The following CPVL variants were observed in gnomAD, a reference collection of about 807,000 sequenced individuals.
CPVL encodes carboxypeptidase vitellogenic like.
In CPVL, 51 loss-of-function variants were observed where a neutral mutation model predicts 63.7. The observed-to-expected ratio is 0.80, with a 90% CI of 0.64 to 1.01. The LOEUF (loss-of-function observed/expected upper bound fraction) is 1.01. CPVL is among the 50% of genes least tolerant of loss of function. The pLI, the probability that CPVL is intolerant of heterozygous loss-of-function variation, is 0.00. For synonymous variants in CPVL, 195 were observed against 206.0 expected (o/e 0.95, Z 0.46); for missense variants, 530 against 573.1 (o/e 0.92, Z 0.77).
In CPVL at chr7:29,038,580, A is replaced by G. The variant is rs531360669; in HGVS notation, c.1138-7821T>C. Among the ~76,000 whole-genome samples the G allele has an allele frequency of 8.5e-5, 13 of 152,318 alleles. No homozygotes were observed. The South Asian group carries it at 2.7e-3, about 32-fold the overall frequency. ...GGGCCTGTATTTCCTCTCAGCCACA[A>G]TGAGCTAACACTTTGCGGAGCTGTA... On this transcript the variant is annotated intron_variant, in intron 11 of 12. Transcript: ENST00000265394.
intron 1 of CPVL, chr7:29,195,072 C>T (rs1292279075): frequency 3.5e-6 from 5 of 1,426,098 alleles, no homozygotes; most frequent in South Asian, 2.5e-5. Flanking sequence ...ATGGACAGAG[C>T]CTACCTGTGG....
intron 5 of CPVL, among the ~76,000 whole-genome samples, chr7:29,152,313 G>C (rs1022969630): frequency 2.6e-4 from 39 of 152,162 alleles, no homozygotes; most frequent in Non-Finnish European, 3.5e-4. Context: ...TGGATTTAAA[G>C]GATTCCCCCT....
chr7:29,132,726 T>A (rs947393879), intron 1 of CPVL, among the ~76,000 whole-genome samples: 2 of 152,186 alleles, frequency 1.3e-5, no homozygotes, highest in Non-Finnish European at 2.9e-5. Flanking sequence ...CTCAATTTTT[T>A]CAGAACTCAT....
intron 11 of CPVL, among the ~76,000 whole-genome samples, chr7:29,034,641 C>A (rs1788343676): frequency 6.6e-6 from 1 of 151,848 alleles, no homozygotes; most frequent in Non-Finnish European, 1.5e-5. Flanking sequence ...TCGTTTTTTA[C>A]AAAATAATTC....
chr7:29,019,889 G>C (rs774045159), intron 12 of CPVL, among the ~76,000 whole-genome samples: 3 of 152,210 alleles, frequency 2.0e-5, no homozygotes, highest in African/African-American at 7.2e-5. Flanking sequence ...CAGATCCCTT[G>C]CTGCGTGGTA....
chr7:28,997,070 C>A (rs569159787), intron 12 of CPVL, among the ~76,000 whole-genome samples: 1 of 152,164 alleles, frequency 6.6e-6, no homozygotes, highest in Non-Finnish European at 1.5e-5. Context: ...TCTCTGTACT[C>A]GTTAAGCCTC....
chr7:29,133,004 C>T (rs1203827279), intron 1 of CPVL, among the ~76,000 whole-genome samples: 2 of 152,218 alleles, frequency 1.3e-5, no homozygotes, highest in South Asian at 2.1e-4. Context: ...TCAAACCAGC[C>T]AAAATGTCTT....
intron 2 of CPVL, chr7:29,113,037 G>C: frequency 2.1e-6 from 1 of 468,114 alleles, no homozygotes; most frequent in Non-Finnish European, 3.8e-6. Context: ...AAAGTTTTAA[G>C]CCTTTGGGGA....
intron 11 of CPVL, among the ~76,000 whole-genome samples, chr7:29,041,835 CA>C (rs1396682878): frequency 1.3e-5 from 2 of 152,022 alleles, no homozygotes; most frequent in African/African-American, 2.4e-5. Context: ...TAAAATATTT[CA>C]ATAATTTCTT....
chr7:29,139,539 CA>C (rs1361689288), intron 1 of CPVL, among the ~76,000 whole-genome samples: 8 of 139,800 alleles, frequency 5.7e-5, no homozygotes, highest in African/African-American at 2.1e-4. Context: ...CTTGGGGGGG[CA>C]GGGGGGCTAC....
At chr7:28,998,369 G>A (rs1784293230) in intron 12 of CPVL, among the ~76,000 whole-genome samples, 1 of 152,206 alleles carries the variant, frequency 6.6e-6, no homozygotes, top group Non-Finnish European at 1.5e-5. Flanking sequence ...GCTAACAAAG[G>A]ACAAACAAAG....
intron 11 of CPVL, among the ~76,000 whole-genome samples, chr7:29,063,603 C>T (rs892206374): frequency 2.0e-5 from 3 of 152,066 alleles, no homozygotes; most frequent in African/African-American, 4.8e-5. Context: ...AGAGTTTTTG[C>T]TCTGTTGCCC....
intron 1 of CPVL, chr7:29,128,174 A>G (rs1790247701): frequency 2.0e-5 from 1 of 48,844 alleles, no homozygotes; most frequent in Admixed American, 2.2e-4. Context: ...AAAAGTTAAG[A>G]GTTTTTTTTT....
intron 5 of CPVL, among the ~76,000 whole-genome samples, chr7:29,167,516 A>G (rs1175228711): frequency 1.3e-5 from 2 of 152,192 alleles, no homozygotes; most frequent in Non-Finnish European, 2.9e-5. Context: ...AACTATTTCT[A>G]AAGTATGTAT....
chr7:29,048,155 C>T (rs1443002109), intron 11 of CPVL, among the ~76,000 whole-genome samples: 3 of 151,086 alleles, frequency 2.0e-5, no homozygotes, highest in African/African-American at 7.3e-5. Context: ...AAATAAAAGG[C>T]AAAAAAAACA....
intron 1 of CPVL, among the ~76,000 whole-genome samples, chr7:29,139,213 G>A (rs554278261): frequency 3.8e-4 from 58 of 152,328 alleles, no homozygotes; most frequent in African/African-American, 1.1e-3. Flanking sequence ...AAAAGTTCCA[G>A]CCTTCACTTT....
At chr7:29,037,607 A>T (rs1359927594) in intron 11 of CPVL, among the ~76,000 whole-genome samples, 1 of 151,840 alleles carries the variant, frequency 6.6e-6, no homozygotes, top group African/African-American at 2.4e-5. Context: ...AATCGGGAGT[A>T]TTTATGAAAC....
intron 3 of CPVL, among the ~76,000 whole-genome samples, chr7:29,103,250 T>G (rs1315703886): frequency 6.4e-5 from 4 of 62,394 alleles, no homozygotes; most frequent in African/African-American, 1.9e-4. Context: ...GTTGTTTTGT[T>G]TTTTTTTTTT....
intron 5 of CPVL, among the ~76,000 whole-genome samples, chr7:29,155,043 T>C (rs543612944): frequency 3.9e-5 from 6 of 152,134 alleles, no homozygotes; most frequent in Admixed American, 3.9e-4. Context: ...TTTAAAACCA[T>C]CAGATCTCGT....
Sources: allele counts gnomAD v4.1 joint callset (sites outside exome capture counted in the v4.1 genomes callset), GRCh38; gene constraint gnomAD v4.1.1; transcripts MANE v1.5; gene names NCBI Gene and HGNC (gene_info 2026-07-23, HGNC 2026-07-21).